The following TCEA3 variants were observed in gnomAD, a reference collection of about 807,000 sequenced individuals.
TCEA3 encodes the protein transcription elongation factor A3.
Under a neutral mutation model 44.0 loss-of-function variants are expected in TCEA3, and 36 were observed. That is an observed-to-expected ratio of 0.82 (90% CI 0.63 to 1.08). TCEA3 has a LOEUF of 1.08. Ranked by LOEUF, TCEA3 falls within the 50% of genes least tolerant of loss-of-function variation. TCEA3 has a pLI of 0.00. For missense variants in TCEA3, 392 were observed against 441.2 expected (o/e 0.89, Z 1.00); for synonymous variants, 162 against 159.7 (o/e 1.01, Z -0.11).
chr1:23,417,682 G>A lies in TCEA3; in HGVS notation c.238+222C>T, dbSNP rs139470938. On this transcript the variant is annotated intron_variant, in intron 3 of 10. Transcript: ENST00000450454. ...GACAAATGCATGAGAGCACAAACAC[G>A]TAAGTGGCACATGTACACAAAACTC... is the stretch of plus-strand genomic sequence containing the variant. Among the ~76,000 whole-genome samples, 238 of 152,338 alleles carry A rather than the reference G, an allele frequency of 1.6e-3. 2 individuals carry two copies. Among genetic ancestry groups the A allele is most frequent in the South Asian group, 5.0e-3 (24 of 4,826 alleles).
intron 1 of TCEA3, chr1:23,423,785 T>A (rs1040773638): frequency 4.4e-6 from 2 of 455,774 alleles, no homozygotes; most frequent in Non-Finnish European, 8.8e-6. Flanking sequence ...ACGGGGAAGA[T>A]CAAACATTAA....
At chr1:23,392,186 T>C (rs1639048091) in intron 8 of TCEA3, among the ~76,000 whole-genome samples, 2 of 152,148 alleles carry the variant, frequency 1.3e-5, no homozygotes, top group South Asian at 2.1e-4. Context: ...TTGTTTTGGG[T>C]GTTTGAGGAA....
intron 5 of TCEA3, 115 bp from the exon 6 acceptor site, chr1:23,398,070 A>C (rs1409739837): frequency 7.7e-7 from 1 of 1,297,844 alleles, no homozygotes; most frequent in East Asian, 2.5e-5. Context: ...CAACCTCATG[A>C]GGTAGGTACT....
intron 8 of TCEA3, among the ~76,000 whole-genome samples, chr1:23,388,411 T>C (rs909890356): frequency 6.6e-6 from 1 of 152,014 alleles, no homozygotes; most frequent in Non-Finnish European, 1.5e-5. Context: ...TTGGCCAGGA[T>C]GGTCTCGATC....
Position 23,417,393 on chromosome 1 carries a change from G to C in TCEA3, c.239-3C>G. On this transcript the variant is annotated splice_polypyrimidine_tract_variant and splice_region_variant and intron_variant, in intron 3 of 10. Transcript: ENST00000450454. The stretch of plus-strand genomic sequence containing the variant: ...TCCTTTTGGGGGTCCAGGGGAGTCT[G>C]AAAACAAAAGGGTGGCATTGTCCCT... 6.2e-7 allele frequency: 1 copy of C among 1,611,922 alleles called. No homozygotes were observed. The highest frequency in any genetic ancestry group is 8.5e-7 in the Non-Finnish European group (1 of 1,179,378).
chr1:23,393,775 T>C, intron 8 of TCEA3, 104 bp downstream of exon 8: 2 of 1,448,870 alleles, frequency 1.4e-6, no homozygotes, highest in Non-Finnish European at 1.8e-6. Flanking sequence ...TTTGAAAAGC[T>C]CCCTGGCTCA....
chr1:23,381,705 G>A (rs1376079979), intron 10 of TCEA3, among the ~76,000 whole-genome samples: 3 of 152,150 alleles, frequency 2.0e-5, no homozygotes, highest in East Asian at 1.9e-4. Flanking sequence ...ATGGCAATTC[G>A]GTGCCAGGAA....
intron 7 of TCEA3, among the ~76,000 whole-genome samples, chr1:23,396,371 C>CAGTGGGGGCCA (rs910624935): frequency 2.0e-5 from 3 of 151,854 alleles, no homozygotes; most frequent in Non-Finnish European, 2.9e-5. Context: ...TGTTTTCATT[C>CAGTGGGGGCCA]AGTGGGGGCC....
At chr1:23,417,115 G>T in intron 4 of TCEA3, 134 bp downstream of exon 4, 1 of 1,118,836 alleles carries the variant, frequency 8.9e-7, no homozygotes, top group African/African-American at 1.6e-5. Context: ...GACCCCCAGA[G>T]GGGGCACTGC....
At chr1:23,419,648 C>A (rs1639999916) in intron 1 of TCEA3, among the ~76,000 whole-genome samples, 1 of 152,088 alleles carries the variant, frequency 6.6e-6, no homozygotes, top group Non-Finnish European at 1.5e-5. Flanking sequence ...ACCAGCCTGG[C>A]CAACATGGTG....
At chr1:23,383,810 A>C (rs1288291168) in intron 10 of TCEA3, 3 of 986,074 alleles carry the variant, frequency 3.0e-6, no homozygotes, top group Non-Finnish European at 3.6e-6. Context: ...TGAAAACAAA[A>C]CTTCTGCCTT....
chr1:23,418,729 A>G (rs973358522), intron 2 of TCEA3, among the ~76,000 whole-genome samples: 1 of 151,986 alleles, frequency 6.6e-6, no homozygotes, highest in East Asian at 1.9e-4. Context: ...TGGGGACTTT[A>G]AGGGCTACAC....
intron 7 of TCEA3, among the ~76,000 whole-genome samples, chr1:23,395,457 TC>T (rs1179863710): frequency 3.3e-5 from 5 of 152,154 alleles, no homozygotes; most frequent in African/African-American, 1.2e-4. Context: ...AAATGTACCC[TC>T]CCCCTGACCT....
At chr1:23,400,312 C>A (rs984355828) in intron 5 of TCEA3, among the ~76,000 whole-genome samples, 1 of 151,770 alleles carries the variant, frequency 6.6e-6, no homozygotes. Context: ...CTCAAACAAT[C>A]CTCCTGCCTC....
chr1:23,394,716 T>C (rs1190671239), intron 7 of TCEA3, among the ~76,000 whole-genome samples: 1 of 152,224 alleles, frequency 6.6e-6, no homozygotes, highest in Non-Finnish European at 1.5e-5. Flanking sequence ...TCAGAGTTAC[T>C]TCTCCCATTA....
intron 5 of TCEA3, among the ~76,000 whole-genome samples, chr1:23,405,423 C>T (rs1290546112): frequency 6.6e-6 from 1 of 151,898 alleles, no homozygotes; most frequent in Non-Finnish European, 1.5e-5. Context: ...GGTAAAACCC[C>T]GTCTCTACTA....
At chr1:23,414,149 C>G (rs546668878) in intron 4 of TCEA3, among the ~76,000 whole-genome samples, 1 of 152,052 alleles carries the variant, frequency 6.6e-6, no homozygotes, top group Non-Finnish European at 1.5e-5. Context: ...TGCAGTGGCA[C>G]GCTCTCAGCT....
At chr1:23,387,113 A>T (rs1638865904) in intron 9 of TCEA3, among the ~76,000 whole-genome samples, 160 bp downstream of exon 9, 1 of 152,136 alleles carries the variant, frequency 6.6e-6, no homozygotes, top group Non-Finnish European at 1.5e-5. Flanking sequence ...TTGGCCTCCC[A>T]AAGTGCTGTG....
At position 23,397,573 on chromosome 1, in the gene TCEA3, A is replaced by G. The variant is rs1274601367; in HGVS notation, c.636T>C (p.Cys212=). The G allele has an allele frequency of 4.3e-6, 7 of 1,613,760 alleles. No homozygotes were observed. Among genetic ancestry groups the G allele is most frequent in the African/African-American group, 1.3e-5 (1 of 74,898 alleles). ...CTTCGATTTCTGATGCCATCTTGTC[A>G]CAGTTGACTCCATAGTCCTTGTAAT... is the stretch of plus-strand genomic sequence containing the variant. ...DDDYKDYGVN[C]DKMASEIEDH... is the part of the protein sequence containing the mutation. The change falls in exon 7 of 11, where the codon TGT becomes TGC. Residue 212 remains cysteine (C), a synonymous_variant. Coordinates refer to ENST00000450454, the MANE Select transcript of TCEA3 (RefSeq NM_003196.3).
Sources: gnomAD v4.1 joint callset for allele counts (sites outside exome capture counted in the v4.1 genomes callset) on GRCh38, gnomAD v4.1.1 for gene constraint, MANE v1.5 for transcripts, NCBI Gene and HGNC (gene_info 2026-07-23, HGNC 2026-07-21) for gene names.